The following IGF2R variants were observed in gnomAD, a reference collection of about 807,000 sequenced individuals.
IGF2R encodes cation-independent mannose-6-phosphate receptor.
Under a neutral mutation model 270.6 loss-of-function variants are expected in IGF2R, and 91 were observed. That is an observed-to-expected ratio of 0.34 (90% CI 0.28 to 0.40). The LOEUF (loss-of-function observed/expected upper bound fraction) is 0.40. Among genes scored for constraint, IGF2R ranks in the 10% least tolerant of loss-of-function variants. The pLI, the probability that IGF2R is intolerant of heterozygous loss-of-function variation, is 1.00. For missense variants in IGF2R, 2,805 were observed against 3,188.3 expected, an observed-to-expected ratio of 0.88 and a Z score of 2.90; for synonymous variants, 1,316 against 1,258.9, an observed-to-expected ratio of 1.05 and a Z score of -0.96.
At chr6:160,026,350 T>A (rs1017842977) in intron 5 of IGF2R, among the ~76,000 whole-genome samples, 1 of 152,226 alleles carries the variant, frequency 6.6e-6, no homozygotes, top group African/African-American at 2.4e-5. Context: ...ACCCTCTCCA[T>A]CTTTGATTAA....
At chr6:159,989,980 A>G (rs1252428603) in intron 1 of IGF2R, among the ~76,000 whole-genome samples, 2 of 152,202 alleles carry the variant, frequency 1.3e-5, no homozygotes, top group African/African-American at 4.8e-5. Flanking sequence ...ATGAGTGTTA[A>G]TGCTTGGTGT....
chr6:160,073,231 C>A lies in IGF2R; in HGVS notation c.4709C>A (p.Thr1570Asn). The A allele has an allele frequency of 6.2e-7, 1 of 1,614,224 alleles. No homozygotes were observed. The highest frequency in any genetic ancestry group is 1.1e-5 in the South Asian group (1 of 91,090). ...PPGVGACFGQ[T>N]RISVGKANKR... ...GGTGCAGGGGCCTGCTTTGGACAGA[C>A]CAGGATTAGCGTGGGCAAGGCCAAC... The change falls in exon 34 of 48, where the codon ACC becomes AAC. Residue 1570 changes from threonine (T) to asparagine (N), a missense_variant. Coordinates refer to ENST00000356956, the MANE Select transcript of IGF2R (RefSeq NM_000876.4).
chr6:159,973,858 A>G (rs1324153288), intron 1 of IGF2R, among the ~76,000 whole-genome samples: 1 of 152,334 alleles, frequency 6.6e-6, no homozygotes, highest in East Asian at 1.9e-4. Flanking sequence ...CTTGGTATAT[A>G]AACTATTGTA....
chr6:160,025,882 A>G (rs1777549645), intron 5 of IGF2R, among the ~76,000 whole-genome samples: 1 of 152,228 alleles, frequency 6.6e-6, no homozygotes, highest in Non-Finnish European at 1.5e-5. Context: ...GTCTCTTAAC[A>G]TTTTACAGAT....
Position 160,090,047 on chromosome 6 carries a change from A to G in IGF2R, c.6599A>G (p.Asp2200Gly). The G allele has an allele frequency of 6.3e-7, 1 of 1,598,746 alleles. No homozygotes were observed. The highest frequency in any genetic ancestry group is 8.5e-7 in the Non-Finnish European group (1 of 1,172,634). Reference sequence around the variant, plus strand: ...AACATATGCCAGGTGAAGCCCAACGATCAGCACTTCAGTCGGAAAGTTGGA... The same window carrying G: ...AACATATGCCAGGTGAAGCCCAACGGTCAGCACTTCAGTCGGAAAGTTGGA... The part of the protein sequence containing the change: ...GANICQVKPN[D>G]QHFSRKVGTS... Residue 2200 changes from aspartate to glycine, a missense_variant, in exon 44 of 48, where the codon GAT (aspartate) becomes GGT (glycine). This residue lies in a region of IGF2R where 1,851 missense variants were observed against 2,207.2 expected (regional missense o/e 0.84). Transcript: ENST00000356956.
intron 45 of IGF2R, among the ~76,000 whole-genome samples, chr6:160,099,630 G>A (rs539639822): frequency 3.4e-4 from 52 of 152,282 alleles, no homozygotes; most frequent in African/African-American, 1.1e-3. Context: ...GCCTCCCAAA[G>A]TGCTGGGATT....
Position 160,096,737 on chromosome 6 carries a change from CA to C in IGF2R, c.6842+118del, listed in dbSNP as rs1055973926. On this transcript the variant is annotated intron_variant, in intron 45 of 47. Transcript: ENST00000356956. ...CTTGTGAAATATTCAGAACATGCAC[CA>C]AAAAATAGAGAAAATGATAGAAGCG... 6.8e-6 allele frequency: 6 copies of C among 883,010 alleles called. No homozygotes were observed. The African/African-American group carries it at 1.0e-4, about 15-fold the overall frequency. The allele number at this position is 883,010 out of a possible 1,614,324, so 54.7% of individuals were successfully genotyped here.
chr6:160,091,349 C>G (rs1376895904), intron 44 of IGF2R, among the ~76,000 whole-genome samples: 1 of 143,994 alleles, frequency 6.9e-6, no homozygotes, highest in African/African-American at 2.6e-5. Context: ...CGAGAAGGAG[C>G]AGGTGCTCTG....
In IGF2R at chr6:159,991,263, T is replaced by TGCG. The variant is rs751957182; in HGVS notation, c.231_233dup (p.Gly78dup). 9 of 1,613,946 alleles carry TGCG rather than the reference T, an allele frequency of 5.6e-6. No individual in the cohort carries two copies. Among genetic ancestry groups the TGCG allele is most frequent in the Non-Finnish European group, 7.6e-6 (9 of 1,179,970 alleles). On this transcript the variant is annotated inframe_insertion, in exon 2 of 48. Coordinates refer to ENST00000356956, the MANE Select transcript of IGF2R (RefSeq NM_000876.4). ...CTGTGGAAGTGTGGATATTGTCCAGTGCGGGCCATCAAGTGCTGTTTGTAT... is the reference window on the plus strand; with the variant it reads ...CTGTGGAAGTGTGGATATTGTCCAGTGCGGCGGGCCATCAAGTGCTGTTTGTAT...
chr6:160,034,464 A>G lies in IGF2R; in HGVS notation c.1257A>G (p.Glu419=). The G allele has an allele frequency of 6.2e-7, 1 of 1,611,388 alleles. No individual in the cohort carries two copies. The highest frequency in any genetic ancestry group is 1.7e-5 in the Admixed American group (1 of 59,998). The change falls in exon 10 of 48, where the codon GAA becomes GAG. Residue 419 remains glutamate, a synonymous_variant. Transcript: ENST00000356956. ...CCTTGATATATTTTGGAGGTGATGA[A>G]TGCAGCTCAGGGTTTCAGCGGATGA... ...DLTLIYFGGD[E]CSSGFQRMSV...
intron 41 of IGF2R, 41 bp from the exon 42 acceptor site, chr6:160,087,992 G>T: frequency 1.5e-6 from 2 of 1,311,094 alleles, no homozygotes; most frequent in Non-Finnish European, 2.2e-6. Context: ...TTTTTATAAT[G>T]CACTAGAAAT....
chr6:160,065,730 A>G (rs1391135486), intron 29 of IGF2R, among the ~76,000 whole-genome samples: 1 of 150,402 alleles, frequency 6.6e-6, no homozygotes, highest in Non-Finnish European at 1.5e-5. Flanking sequence ...TATACAAGGA[A>G]TAAAATTTTG....
At chr6:160,032,478 A>G (rs1045418539) in intron 7 of IGF2R, 73 bp from the exon 8 acceptor site, 18 of 1,406,536 alleles carry the variant, frequency 1.3e-5, no homozygotes, top group Non-Finnish European at 1.5e-5. Context: ...TGAGCTTTTC[A>G]TAAGTGTGGA....
At chr6:160,075,507 C>T (rs182127698) in intron 35 of IGF2R, among the ~76,000 whole-genome samples, 157 of 152,262 alleles carry the variant, frequency 1.0e-3, no homozygotes, top group African/African-American at 3.3e-3. Flanking sequence ...TTTCAGGTTC[C>T]GGGCTTCCCT....
chr6:160,073,451 G>T lies in IGF2R; in HGVS notation c.4929G>T (p.Pro1643=), dbSNP rs144837234. 1 of 1,614,214 alleles carries T rather than the reference G, an allele frequency of 6.2e-7. No homozygotes were observed. The highest frequency in any genetic ancestry group is 8.5e-7 in the Non-Finnish European group (1 of 1,180,042). ...TCTLFFSWHT[P]LACEQATECS... Reference sequence around the variant, plus strand: ...CTCTCTTCTTCTCCTGGCACACGCCGCTGGCCTGCGAGCAAGCGGTGAGTT... The same window carrying T: ...CTCTCTTCTTCTCCTGGCACACGCCTCTGGCCTGCGAGCAAGCGGTGAGTT... The change falls in exon 34 of 48, where the codon CCG becomes CCT. Residue 1643 remains proline, a synonymous_variant. Coordinates refer to ENST00000356956, the MANE Select transcript of IGF2R (RefSeq NM_000876.4).
intron 41 of IGF2R, among the ~76,000 whole-genome samples, chr6:160,085,653 A>G (rs551717745): frequency 6.6e-6 from 1 of 152,342 alleles, no homozygotes; most frequent in East Asian, 1.9e-4. Flanking sequence ...AGTAAGAGCA[A>G]TTAGGATTTG....
chr6:160,000,728 G>GTTTTTGTTTTTTTTTTTTT (rs1784114521), intron 2 of IGF2R, among the ~76,000 whole-genome samples: 1 of 69,948 alleles, frequency 1.4e-5, no homozygotes, highest in African/African-American at 6.0e-5. Flanking sequence ...GTGTGAGGTT[G>GTTTTTGTTTTTTTTTTTTT]TTTTTTTTTT....
chr6:159,974,967 C>G (rs190875102), intron 1 of IGF2R, among the ~76,000 whole-genome samples: 206 of 152,304 alleles, frequency 1.4e-3, no homozygotes, highest in Non-Finnish European at 1.8e-3. Context: ...TGCTCTCATT[C>G]CATGAACAGT....
intron 46 of IGF2R, among the ~76,000 whole-genome samples, chr6:160,103,233 G>A (rs1222292761): frequency 1.6e-4 from 24 of 151,826 alleles, no homozygotes; most frequent in Non-Finnish European, 3.4e-4. Context: ...TGAGAGAGGT[G>A]GTCAGAAAGT....
Sources: gnomAD v4.1 joint callset for allele counts (sites outside exome capture counted in the v4.1 genomes callset) on GRCh38, gnomAD v4.1.1 for gene constraint, gnomAD v4.1.1 regional missense constraint, MANE v1.5 for transcripts, NCBI Gene and HGNC (gene_info 2026-07-23, HGNC 2026-07-21) for gene names.